PDZD8: variants seen among roughly 807,000 people sequenced by gnomAD.
PDZD8 encodes the protein PDZ domain-containing protein 8.
PDZD8 carries 14 observed loss-of-function variants against 85.8 expected under a neutral mutation model. The ratio of observed to expected loss-of-function variants is 0.16; its 90% CI spans 0.11 to 0.26. The LOEUF (loss-of-function observed/expected upper bound fraction) is 0.26, where lower values mean the gene tolerates loss of function less well. Ranked by LOEUF, PDZD8 falls within the 10% of genes least tolerant of loss-of-function variation. The pLI, the probability that PDZD8 is intolerant of heterozygous loss-of-function variation, is 1.00. For missense variants in PDZD8, 1,197 were observed against 1,424.3 expected (o/e 0.84, Z 2.57); for synonymous variants, 592 against 568.6 (o/e 1.04, Z -0.59).
chr10:117,349,626 C>T (rs1844768591), intron 1 of PDZD8, among the ~76,000 whole-genome samples: 1 of 151,982 alleles, frequency 6.6e-6, no homozygotes, highest in Non-Finnish European at 1.5e-5. Flanking sequence ...AACATAGCCA[C>T]ACCCCATTTC....
At chr10:117,317,600 T>C (rs1321159662) in intron 3 of PDZD8, among the ~76,000 whole-genome samples, 4 of 152,194 alleles carry the variant, frequency 2.6e-5, no homozygotes, top group African/African-American at 9.6e-5. Flanking sequence ...ATATTGAAAA[T>C]GCCAATAGCA....
chr10:117,306,091 A>G (rs141340705), intron 3 of PDZD8, among the ~76,000 whole-genome samples: 24 of 152,322 alleles, frequency 1.6e-4, no homozygotes, highest in African/African-American at 4.6e-4. Flanking sequence ...GGATGAAAAT[A>G]CAAGTGACCC....
Position 117,284,984 on chromosome 10 carries a change from T to C in PDZD8, c.1749A>G (p.Gln583=), listed in dbSNP as rs764102431. The change falls in exon 5 of 5, where the codon CAA becomes CAG. Residue 583 remains glutamine, a synonymous_variant. Coordinates refer to ENST00000334464, the MANE Select transcript of PDZD8 (RefSeq NM_173791.5). ...GCACAGGTGGTTTGAAAGCAGATCC[T>C]TGGGTTGGTTTTGACACTTGTGCTG... ...TDPAQVSKPT[Q]GSAFKPPVPP... The C allele has an allele frequency of 8.7e-6, 14 of 1,613,978 alleles. No homozygotes were observed. The highest frequency in any genetic ancestry group is 2.2e-5 in the East Asian group (1 of 44,890).
At chr10:117,302,386 G>T (rs908888983) in intron 3 of PDZD8, among the ~76,000 whole-genome samples, 1 of 152,184 alleles carries the variant, frequency 6.6e-6, no homozygotes, top group Admixed American at 6.5e-5. Context: ...CTTTTTCAAA[G>T]TAAGTATAAC....
intron 1 of PDZD8, among the ~76,000 whole-genome samples, chr10:117,364,365 T>G (rs2133884512): frequency 6.6e-6 from 1 of 152,236 alleles, no homozygotes; most frequent in South Asian, 2.1e-4. Context: ...TAAATTATGT[T>G]TAAGAAACCA....
intron 2 of PDZD8, among the ~76,000 whole-genome samples, chr10:117,333,124 A>AAAACAAAAAC (rs1844454768): frequency 1.4e-5 from 2 of 145,896 alleles, no homozygotes; most frequent in African/African-American, 5.1e-5. Context: ...TCTCAAAAAA[A>AAAACAAAAAC]AAAAAAAAAA....
At chr10:117,310,070 T>A (rs1158856759) in intron 3 of PDZD8, among the ~76,000 whole-genome samples, 2 of 152,168 alleles carry the variant, frequency 1.3e-5, no homozygotes, top group Non-Finnish European at 2.9e-5. Flanking sequence ...ATTCTTGTTT[T>A]GCATAACTTC....
At chr10:117,362,956 A>G (rs1489961472) in intron 1 of PDZD8, among the ~76,000 whole-genome samples, 1 of 152,118 alleles carries the variant, frequency 6.6e-6, no homozygotes, top group African/African-American at 2.4e-5. Context: ...TAAAATCCAA[A>G]GAATTAAACA....
chr10:117,304,837 A>C (rs1272825999), intron 3 of PDZD8, among the ~76,000 whole-genome samples: 1 of 152,112 alleles, frequency 6.6e-6, no homozygotes, highest in Non-Finnish European at 1.5e-5. Flanking sequence ...GTGGAATTGC[A>C]AGTCCAAATA....
chr10:117,357,978 G>A (rs532675521), intron 1 of PDZD8, among the ~76,000 whole-genome samples: 2 of 152,058 alleles, frequency 1.3e-5, no homozygotes, highest in East Asian at 3.9e-4. Context: ...TAATCTATGG[G>A]ATTAAGGAGG....
At chr10:117,330,001 G>GAA (rs1434846619) in intron 2 of PDZD8, among the ~76,000 whole-genome samples, 8 of 67,372 alleles carry the variant, frequency 1.2e-4, no homozygotes, top group African/African-American at 4.1e-4. Context: ...AGGAAGGAAG[G>GAA]GAGGGAGGGA....
At chr10:117,359,622 A>C (rs978092539) in intron 1 of PDZD8, among the ~76,000 whole-genome samples, 1 of 150,208 alleles carries the variant, frequency 6.7e-6, no homozygotes, top group Non-Finnish European at 1.5e-5. Flanking sequence ...GAGGTGGGAG[A>C]ATTGCTTGAG....
intron 2 of PDZD8, among the ~76,000 whole-genome samples, chr10:117,332,822 TA>T (rs1844443226): frequency 6.7e-6 from 1 of 148,558 alleles, no homozygotes; most frequent in African/African-American, 2.5e-5. Context: ...AAAGTTTTTT[TA>T]AAAAAGGATA....
chr10:117,305,097 T>C (rs561971636), intron 3 of PDZD8, among the ~76,000 whole-genome samples: 3 of 152,102 alleles, frequency 2.0e-5, no homozygotes, highest in East Asian at 1.9e-4. Context: ...CCCTCAGATA[T>C]ATGGCAGCAA....
intron 1 of PDZD8, among the ~76,000 whole-genome samples, chr10:117,345,508 G>A (rs1015701722): frequency 1.3e-5 from 2 of 152,142 alleles, no homozygotes; most frequent in Non-Finnish European, 2.9e-5. Flanking sequence ...TGGGTGTACT[G>A]TACTAAAATA....
rs1391262991 is a variant in PDZD8, at chr10:117,285,482, AT to A, written c.1262-12del. The A allele has an allele frequency of 6.4e-7, 1 of 1,552,296 alleles. No individual in the cohort carries two copies. The highest frequency in any genetic ancestry group is 8.7e-7 in the Non-Finnish European group (1 of 1,148,480). On this transcript the variant is annotated splice_polypyrimidine_tract_variant and intron_variant, in intron 4 of 4. Coordinates refer to ENST00000334464, the MANE Select transcript of PDZD8 (RefSeq NM_173791.5). The stretch of plus-strand genomic sequence containing the variant: ...ATGTGATTTTCACACCTGGTTTAAG[AT>A]TTTAAAAGGGAAAACATGTAAATTA...
chr10:117,359,298 C>T (rs1751643739), intron 1 of PDZD8, among the ~76,000 whole-genome samples: 1 of 151,738 alleles, frequency 6.6e-6, no homozygotes, highest in Non-Finnish European at 1.5e-5. Context: ...TGCCTGTAGT[C>T]CCAGCTACTG....
At chr10:117,366,429 G>C (rs541110519) in intron 1 of PDZD8, among the ~76,000 whole-genome samples, 1 of 151,986 alleles carries the variant, frequency 6.6e-6, no homozygotes, top group East Asian at 1.9e-4. Flanking sequence ...TTCTTTTTTG[G>C]TAAACATTGT....
chr10:117,285,532 G>A, intron 4 of PDZD8, 61 bp from the exon 5 acceptor site: 11 of 1,340,836 alleles, frequency 8.2e-6, no homozygotes, highest in African/African-American at 1.5e-5. Flanking sequence ...TACTACATTT[G>A]TTAAATGTAT....
Sources: gnomAD v4.1 joint callset for allele counts (sites outside exome capture counted in the v4.1 genomes callset) on GRCh38, gnomAD v4.1.1 for gene constraint, MANE v1.5 for transcripts, NCBI Gene and HGNC (gene_info 2026-07-23, HGNC 2026-07-21) for gene names.